Variants in CDH9 observed in about 807,000 individuals in gnomAD.
CDH9 encodes cadherin 9, also known as cadherin-9.
Under a neutral mutation model 70.9 loss-of-function variants are expected in CDH9, and 28 were observed. The observed-to-expected ratio is 0.40, with a 90% CI of 0.29 to 0.54. CDH9 has a LOEUF of 0.54. CDH9 is among the 20% of genes least tolerant of loss of function. The pLI, the probability that CDH9 is intolerant of heterozygous loss-of-function variation, is 0.59. For missense variants in CDH9, 874 were observed against 984.4 expected, an observed-to-expected ratio of 0.89 and a Z score of 1.50; for synonymous variants, 409 against 343.1, an observed-to-expected ratio of 1.19 and a Z score of -2.12.
chr5:26,957,867 CGGATTCTAT>C (rs1741972416), intron 2 of CDH9, among the ~76,000 whole-genome samples: 2 of 99,424 alleles, frequency 2.0e-5, no homozygotes. Context: ...ATTTTATATA[CGGATTCTAT>C]TTAAATATTA....
chr5:26,931,602 G>C (rs931416834), intron 2 of CDH9, among the ~76,000 whole-genome samples: 1 of 151,978 alleles, frequency 6.6e-6, no homozygotes, highest in Non-Finnish European at 1.5e-5. Flanking sequence ...AGCTAAAATA[G>C]ACCCACTTAA....
chr5:27,013,605 C>A (rs1309148971), intron 1 of CDH9, among the ~76,000 whole-genome samples: 1 of 151,806 alleles, frequency 6.6e-6, no homozygotes, highest in African/African-American at 2.4e-5. Context: ...CTTTGCCATG[C>A]CAAGTAGCAA....
At chr5:26,975,002 C>A (rs1468072743) in intron 2 of CDH9, among the ~76,000 whole-genome samples, 1 of 152,024 alleles carries the variant, frequency 6.6e-6, no homozygotes, top group African/African-American at 2.4e-5. Flanking sequence ...CACCCTTAGC[C>A]CCATATCTGT....
At chr5:27,037,208 T>C (rs1214650776) in intron 1 of CDH9, among the ~76,000 whole-genome samples, 2 of 151,952 alleles carry the variant, frequency 1.3e-5, no homozygotes, top group Non-Finnish European at 2.9e-5. Context: ...CGAAGGAAGA[T>C]TCCCTTCTGT....
At chr5:27,033,599 T>C (rs1260165905) in intron 1 of CDH9, among the ~76,000 whole-genome samples, 1 of 151,494 alleles carries the variant, frequency 6.6e-6, no homozygotes, top group Non-Finnish European at 1.5e-5. Flanking sequence ...AACTGTTACA[T>C]TTCCTCTGCG....
At chr5:26,883,082 TATATATATATATAA>T (rs1454430520) in intron 11 of CDH9, among the ~76,000 whole-genome samples, 15 of 130,136 alleles carry the variant, frequency 1.2e-4, no homozygotes, top group African/African-American at 4.3e-4. Context: ...TATATATATA[TATATATATATATAA>T]AACTGCAGTA....
intron 2 of CDH9, among the ~76,000 whole-genome samples, chr5:26,938,780 A>G (rs72744760): frequency 9.9e-4 from 151 of 152,212 alleles, no homozygotes; most frequent in Non-Finnish European, 1.5e-3. Context: ...TTAAAAAATA[A>G]AACACTGATG....
intron 1 of CDH9, among the ~76,000 whole-genome samples, chr5:27,003,914 A>T (rs1460716332): frequency 1.3e-5 from 2 of 152,054 alleles, no homozygotes; most frequent in African/African-American, 2.4e-5. Context: ...TACTATACCA[A>T]TGTAACATGT....
chr5:26,927,297 T>C (rs1469262675), intron 2 of CDH9, among the ~76,000 whole-genome samples: 1 of 151,902 alleles, frequency 6.6e-6, no homozygotes, highest in Non-Finnish European at 1.5e-5. Context: ...GCTAGTATAC[T>C]GGGGAAAAAG....
At chr5:26,906,569 T>A in intron 4 of CDH9, 150 bp downstream of exon 4, 1 of 1,183,274 alleles carries the variant, frequency 8.5e-7, no homozygotes, top group Non-Finnish European at 1.1e-6. Flanking sequence ...ATAGAAAGTT[T>A]GCATTTGTTT....
chr5:26,887,150 A>T (rs1302448860), intron 9 of CDH9, among the ~76,000 whole-genome samples: 1 of 152,148 alleles, frequency 6.6e-6, no homozygotes, highest in Non-Finnish European at 1.5e-5. Context: ...TGTATTTTTA[A>T]TAAAGTGCTT....
chr5:27,021,453 G>A (rs897035735), intron 1 of CDH9, among the ~76,000 whole-genome samples: 1 of 151,458 alleles, frequency 6.6e-6, no homozygotes, highest in Non-Finnish European at 1.5e-5. Context: ...TTATAAAGGA[G>A]AAAAATCATA....
intron 1 of CDH9, among the ~76,000 whole-genome samples, chr5:26,999,673 A>G (rs1742730084): frequency 6.6e-6 from 1 of 152,210 alleles, no homozygotes; most frequent in South Asian, 2.1e-4. Context: ...CTAGGCATCC[A>G]TATGCAAAAA....
intron 2 of CDH9, among the ~76,000 whole-genome samples, chr5:26,982,273 C>T (rs1488201498): frequency 6.6e-6 from 1 of 152,078 alleles, no homozygotes; most frequent in Admixed American, 6.6e-5. Flanking sequence ...AAACATACAA[C>T]TTGGTAGCCA....
At chr5:26,981,722 C>T (rs539000280) in intron 2 of CDH9, among the ~76,000 whole-genome samples, 11 of 151,356 alleles carry the variant, frequency 7.3e-5, no homozygotes, top group South Asian at 4.2e-4. Flanking sequence ...TAACAGTATG[C>T]CAAAATGTAG....
rs1431326469 is a variant in CDH9, at chr5:26,880,911, T to C, written c.*225A>G. The stretch of plus-strand genomic sequence containing the variant: ...ATGTGATATATTTTCCTTCCGAGAT[T>C]GTTAGGCAAAGAGGGTGAACTGGTT... On this transcript the variant is annotated 3_prime_UTR_variant, in exon 12 of 12. Coordinates refer to ENST00000231021, the MANE Select transcript of CDH9 (RefSeq NM_016279.4). The C allele has an allele frequency of 2.7e-6, 1 of 368,798 alleles. No homozygotes were observed. Among genetic ancestry groups the C allele is most frequent in the African/African-American group, 2.1e-5 (1 of 47,842 alleles). 22.8% of individuals were successfully genotyped at this position (368,798 alleles called of 1,614,324 possible).
intron 2 of CDH9, among the ~76,000 whole-genome samples, chr5:26,965,977 A>G (rs892496954): frequency 1.3e-5 from 2 of 152,194 alleles, no homozygotes; most frequent in South Asian, 2.1e-4. Flanking sequence ...GTTATATTAT[A>G]TAGTATTTTT....
intron 7 of CDH9, among the ~76,000 whole-genome samples, chr5:26,897,848 A>G (rs1740780844): frequency 6.6e-6 from 1 of 152,138 alleles, no homozygotes; most frequent in South Asian, 2.1e-4. Context: ...GAAAGAAATA[A>G]AGGGTATTCA....
intron 2 of CDH9, among the ~76,000 whole-genome samples, chr5:26,932,419 C>T (rs1241868465): frequency 1.6e-5 from 2 of 124,078 alleles, no homozygotes; most frequent in East Asian, 5.7e-4. Context: ...GAAAAAAAAA[C>T]AAAATATTTG....
Sources: allele counts gnomAD v4.1 joint callset (sites outside exome capture counted in the v4.1 genomes callset), GRCh38; gene constraint gnomAD v4.1.1; transcripts MANE v1.5; gene names NCBI Gene and HGNC (gene_info 2026-07-23, HGNC 2026-07-21).